Variants in AGAP1 observed in about 807,000 individuals in gnomAD.
The protein encoded by AGAP1 is ArfGAP with GTPase domain, ankyrin repeat and PH domain 1.
Under a neutral mutation model 105.3 loss-of-function variants are expected in AGAP1, and 29 were observed. The observed-to-expected ratio is 0.28, with a 90% confidence interval of 0.21 to 0.38. The LOEUF is 0.38. Among genes scored for constraint, AGAP1 ranks in the 10% least tolerant of loss-of-function variants. AGAP1 has a pLI of 1.00. For missense variants in AGAP1, 998 were observed against 1,165.1 expected (o/e 0.86, Z 2.09); for synonymous variants, 509 against 485.9 (o/e 1.05, Z -0.63).
intron 1 of AGAP1, among the ~76,000 whole-genome samples, chr2:235,693,072 T>C (rs1949816385): frequency 6.6e-6 from 1 of 152,066 alleles, no homozygotes; most frequent in African/African-American, 2.4e-5. Context: ...GCTGCGGCAG[T>C]CACCACTGGG....
rs1482053822 is a variant in AGAP1 at position 235,739,852 on chromosome 2, C to T, written c.311-1111C>T. 2.6e-5 allele frequency among the ~76,000 whole-genome samples: 4 copies of T among 152,166 alleles called. No homozygotes were observed. Among genetic ancestry groups the T allele is most frequent in the African/African-American group, 9.7e-5 (4 of 41,442 alleles). ...CCAGGATTCTAGGAGGGAAGGTTCCCGTCGCAGGGGAGGGAATCAGACGTC... is the reference window on the plus strand; with the variant it reads ...CCAGGATTCTAGGAGGGAAGGTTCCTGTCGCAGGGGAGGGAATCAGACGTC... On this transcript the variant is annotated intron_variant, in intron 3 of 17. Coordinates refer to ENST00000304032, the MANE Select transcript of AGAP1 (RefSeq NM_001037131.3). This position sits in a 1 kb window ranked among gnomAD's most constrained non-coding sequence, Gnocchi z 5.3.
At chr2:235,937,270 C>T (rs981787708) in intron 12 of AGAP1, among the ~76,000 whole-genome samples, 5 of 152,214 alleles carry the variant, frequency 3.3e-5, no homozygotes, top group African/African-American at 4.8e-5. Context: ...AGGCTGACCC[C>T]GCTCCCTTCT....
Position 235,989,837 on chromosome 2 carries a change from G to A in AGAP1, c.1645+21214G>A, listed in dbSNP as rs1243268128. On this transcript the variant is annotated intron_variant, in intron 13 of 17. Coordinates refer to ENST00000304032, the MANE Select transcript of AGAP1 (RefSeq NM_001037131.3). This position sits in a 1 kb window ranked among gnomAD's most constrained non-coding sequence, Gnocchi z 4.4. ...GCAGCTCACAGGGAGGGACAGCCTC[G>A]GAAGAGGAAATCCATGCGTCTTCCT... 6.6e-6 allele frequency among the ~76,000 whole-genome samples: 1 copy of A among 152,148 alleles called. No homozygotes were observed. Among genetic ancestry groups the A allele is most frequent in the Non-Finnish European group, 1.5e-5 (1 of 68,034 alleles).
chr2:235,603,210 C>G (rs11688064), intron 1 of AGAP1, among the ~76,000 whole-genome samples: 2 of 151,764 alleles, frequency 1.3e-5, no homozygotes, highest in Non-Finnish European at 2.9e-5. Flanking sequence ...CCCTTTTGCT[C>G]GGCTCTCGTC....
rs912214835 is a variant in AGAP1 at position 235,621,947 on chromosome 2, A to G, written c.164-87232A>G. ...AGCGGCCACTGTGTGGATGTTTCTG[A>G]CGGCCTCTTACAGACTCTGTCCTTT... On this transcript the variant is annotated intron_variant, in intron 1 of 17. Transcript: ENST00000304032. This position sits in a 1 kb window ranked among gnomAD's most constrained non-coding sequence, Gnocchi z 4.1. Among the ~76,000 whole-genome samples, 9 of 151,756 alleles carry G rather than the reference A, an allele frequency of 5.9e-5. No homozygotes were observed. The highest frequency in any genetic ancestry group is 2.2e-4 in the African/African-American group (9 of 41,346).
intron 16 of AGAP1, among the ~76,000 whole-genome samples, chr2:236,110,286 A>C (rs895787942): frequency 2.0e-5 from 3 of 152,164 alleles, no homozygotes; most frequent in African/African-American, 7.2e-5. Context: ...GCTTGAGGCC[A>C]GGAGTTCAAG....
At chr2:235,759,994 A>T (rs1728291) in intron 6 of AGAP1, among the ~76,000 whole-genome samples, 1 of 152,084 alleles carries the variant, frequency 6.6e-6, no homozygotes, top group Non-Finnish European at 1.5e-5. Context: ...TCTTACCCTC[A>T]TGAAGCTATA....
At chr2:235,746,799 T>C (rs1307785896) in intron 5 of AGAP1, among the ~76,000 whole-genome samples, 2 of 152,086 alleles carry the variant, frequency 1.3e-5, no homozygotes, top group Non-Finnish European at 1.5e-5. Flanking sequence ...GGTTTGACTT[T>C]AGGACTCAGA....
chr2:235,672,619 G>A (rs1393127522), intron 1 of AGAP1, among the ~76,000 whole-genome samples: 1 of 152,232 alleles, frequency 6.6e-6, no homozygotes, highest in Non-Finnish European at 1.5e-5. Context: ...GGCTTTCAGA[G>A]GAAGTTAAGA....
At chr2:235,738,809 C>T (rs1300446216) in intron 3 of AGAP1, among the ~76,000 whole-genome samples, 1 of 152,094 alleles carries the variant, frequency 6.6e-6, no homozygotes, top group African/African-American at 2.4e-5. Flanking sequence ...CCACCTGCCT[C>T]GGCCTCCCAA....
chr2:235,884,431 T>C (rs2050173099), intron 10 of AGAP1, among the ~76,000 whole-genome samples: 1 of 151,804 alleles, frequency 6.6e-6, no homozygotes, highest in Non-Finnish European at 1.5e-5. Context: ...TTTTCACTGT[T>C]GTATTAGGTT....
chr2:235,853,529 A>G (rs2048564208), intron 9 of AGAP1, among the ~76,000 whole-genome samples: 1 of 152,060 alleles, frequency 6.6e-6, no homozygotes, highest in Non-Finnish European at 1.5e-5. Flanking sequence ...GATTAAATGG[A>G]AGTTTTGTTT....
Position 236,087,661 on chromosome 2 carries a change from C to G in AGAP1, c.2115-32531C>G, listed in dbSNP as rs961810534. ...GTGTTTTAAAGCTTTTCTCTGTTTC[C>G]ATGTGGTGCCGTGAATAGTCTCATA... On this transcript the variant is annotated intron_variant, in intron 16 of 17. Transcript: ENST00000304032. This position sits in a 1 kb window ranked among gnomAD's most constrained non-coding sequence, Gnocchi z 5.7. Among the ~76,000 whole-genome samples, 1 of 151,858 alleles carries G rather than the reference C, an allele frequency of 6.6e-6. No homozygotes were observed. The highest frequency in any genetic ancestry group is 1.5e-5 in the Non-Finnish European group (1 of 68,030).
At chr2:236,122,877 G>T (rs1248255797) in intron 17 of AGAP1, among the ~76,000 whole-genome samples, 2 of 151,948 alleles carry the variant, frequency 1.3e-5, no homozygotes, top group Non-Finnish European at 2.9e-5. Context: ...TAGAGACGAG[G>T]TTTCACCATG....
At chr2:235,840,667 G>A (rs929566208) in intron 9 of AGAP1, among the ~76,000 whole-genome samples, 6 of 152,152 alleles carry the variant, frequency 3.9e-5, no homozygotes, top group Non-Finnish European at 7.3e-5. Flanking sequence ...GGGGGCTGCA[G>A]GAATGGAAAG....
chr2:235,632,888 T>G (rs1046199101), intron 1 of AGAP1, among the ~76,000 whole-genome samples: 2 of 152,136 alleles, frequency 1.3e-5, no homozygotes, highest in Admixed American at 6.5e-5. Flanking sequence ...TTTACATAAT[T>G]GTTTTAGAAG....
rs751193768 is a variant in AGAP1 at position 236,038,815 on chromosome 2, T to TTGTG, written c.1801-1933_1801-1932insGTGT. 9.7e-4 allele frequency among the ~76,000 whole-genome samples: 125 copies of TTGTG among 128,634 alleles called. No homozygotes were observed. The highest frequency in any genetic ancestry group is 4.0e-3 in the African/African-American group (113 of 28,232). The allele number at this position is 128,634 out of a possible 152,430, so 84.4% of individuals were successfully genotyped here. On this transcript the variant is annotated intron_variant, in intron 14 of 17. Coordinates refer to ENST00000304032, the MANE Select transcript of AGAP1 (RefSeq NM_001037131.3). This position sits in a 1 kb window ranked among gnomAD's most constrained non-coding sequence, Gnocchi z 4.5. ...CACAGAGAGACAGAGGCACATCCCT[T>TTGTG]TGTATGTGTGTGTGTGTGTGTGTGT... is the stretch of plus-strand genomic sequence containing the variant.
chr2:235,571,491 A>G (rs1944512897), intron 1 of AGAP1, among the ~76,000 whole-genome samples: 1 of 152,182 alleles, frequency 6.6e-6, no homozygotes, highest in Admixed American at 6.5e-5. Context: ...GACCACACAG[A>G]TAGTGAAAGG....
At chr2:235,726,576 C>G (rs763694490) in intron 3 of AGAP1, among the ~76,000 whole-genome samples, 28 of 152,194 alleles carry the variant, frequency 1.8e-4, no homozygotes, top group African/African-American at 4.8e-5. Flanking sequence ...CACCTGTGTT[C>G]ACTGCTCCTC....
Sources: allele counts gnomAD v4.1 joint callset (sites outside exome capture counted in the v4.1 genomes callset), GRCh38; gene constraint gnomAD v4.1.1; non-coding constraint Gnocchi (gnomAD v3.1); transcripts MANE v1.5; gene names NCBI Gene and HGNC (gene_info 2026-07-23, HGNC 2026-07-21).